YWHAB: variants seen among roughly 807,000 people sequenced by gnomAD.
YWHAB encodes tyrosine 3-monooxygenase/tryptophan 5-monooxygenase activation protein beta.
In YWHAB, 2 loss-of-function variants were observed where a neutral mutation model predicts 28.5. The ratio of observed to expected loss-of-function variants is 0.07; its 90% CI spans 0.03 to 0.22. The LOEUF (loss-of-function observed/expected upper bound fraction) is 0.22, where lower values mean the gene tolerates loss of function less well. Ranked by LOEUF, YWHAB falls within the 10% of genes least tolerant of loss-of-function variation. The pLI is 1.00. For missense variants in YWHAB, 148 were observed against 297.1 expected (o/e 0.50, Z 3.69); for synonymous variants, 103 against 104.7 (o/e 0.98, Z 0.10).
chr20:44,896,378 T>C (rs2066596159), intron 1 of YWHAB, among the ~76,000 whole-genome samples: 1 of 152,228 alleles, frequency 6.6e-6, no homozygotes, highest in Non-Finnish European at 1.5e-5. Flanking sequence ...GTGAAGAATC[T>C]TGTATGCAGA....
chr20:44,902,962 G>A (rs1260500160), intron 2 of YWHAB: 9 of 783,150 alleles, frequency 1.1e-5, no homozygotes, highest in Non-Finnish European at 1.4e-5. Context: ...CATAATTCAT[G>A]AAATGTAGAC....
At chr20:44,894,636 A>G (rs979475862) in intron 1 of YWHAB, among the ~76,000 whole-genome samples, 1 of 152,256 alleles carries the variant, frequency 6.6e-6, no homozygotes, top group Non-Finnish European at 1.5e-5. Flanking sequence ...GCTACAGTGT[A>G]ATAGTCGTGG....
At chr20:44,893,658 G>A (rs1034539828) in intron 1 of YWHAB, among the ~76,000 whole-genome samples, 4 of 145,806 alleles carry the variant, frequency 2.7e-5, no homozygotes, top group South Asian at 2.1e-4. Flanking sequence ...TGATGGCCAC[G>A]TAATCTTGTA....
At chr20:44,901,413 T>A in intron 1 of YWHAB, 118 bp from the exon 2 acceptor site, 1 of 1,027,372 alleles carries the variant, frequency 9.7e-7, no homozygotes, top group South Asian at 1.6e-5. Context: ...GCATTTGGAA[T>A]GAGATGTTTC....
chr20:44,895,789 A>G (rs2066592485), intron 1 of YWHAB, among the ~76,000 whole-genome samples: 1 of 152,362 alleles, frequency 6.6e-6, no homozygotes, highest in African/African-American at 2.4e-5. Context: ...TACTCTTTGA[A>G]TTTCAGAGGG....
At position 44,901,558 on chromosome 20, in the gene YWHAB, G is replaced by A; in HGVS notation, c.25G>A (p.Val9Ile). Residue 9 changes from valine to isoleucine, a missense_variant, in exon 2 of 6, where the codon GTA becomes ATA. This residue lies in a region of YWHAB where 110 missense variants were observed against 177.9 expected (regional missense o/e 0.62). Coordinates refer to ENST00000353703, the MANE Select transcript of YWHAB (RefSeq NM_139323.4). ...AATGACAATGGATAAAAGTGAGCTGGTACAGAAAGCCAAACTCGCTGAGCA... is the reference window on the plus strand; with the variant it reads ...AATGACAATGGATAAAAGTGAGCTGATACAGAAAGCCAAACTCGCTGAGCA... Reference protein sequence around the residue: MTMDKSELVQKAKLAEQAE... With the variant: MTMDKSELIQKAKLAEQAE... The A allele has an allele frequency of 1.9e-6, 3 of 1,605,668 alleles. No homozygotes were observed. The highest frequency in any genetic ancestry group is 1.3e-5 in the African/African-American group (1 of 74,894).
chr20:44,904,908 T>C (rs2066647676), intron 3 of YWHAB, 60 bp from the exon 4 acceptor site: 1 of 1,487,078 alleles, frequency 6.7e-7, no homozygotes, highest in Non-Finnish European at 9.0e-7. Context: ...TGATAGTTGG[T>C]CCAATGTGTG....
intron 1 of YWHAB, among the ~76,000 whole-genome samples, chr20:44,899,527 T>C (rs1444779263): frequency 6.6e-6 from 1 of 152,206 alleles, no homozygotes; most frequent in Non-Finnish European, 1.5e-5. Flanking sequence ...ACTACTACTG[T>C]TTAAAGTAGC....
intron 1 of YWHAB, among the ~76,000 whole-genome samples, chr20:44,894,590 TTAA>T (rs1210126863): frequency 6.6e-6 from 1 of 152,246 alleles, no homozygotes; most frequent in African/African-American, 2.4e-5. Flanking sequence ...AATTGTATAT[TTAA>T]AAAGAAAATT....
chr20:44,906,364 A>G lies in YWHAB; in HGVS notation c.685-18A>G. ...CTTTTAGTAGCCCTGCTTTGATTAT[A>G]CTTCCTTTCTCTTGCAGCTGTGGAC... On this transcript the variant is annotated intron_variant, in intron 5 of 5. Coordinates refer to ENST00000353703, the MANE Select transcript of YWHAB (RefSeq NM_139323.4). The G allele has an allele frequency of 6.2e-7, 1 of 1,612,894 alleles. No homozygotes were observed. The highest frequency in any genetic ancestry group is 1.7e-5 in the Admixed American group (1 of 60,008).
At chr20:44,903,951 C>T (rs372764337) in intron 2 of YWHAB, 42 bp from the exon 3 acceptor site, 4 of 1,578,330 alleles carry the variant, frequency 2.5e-6, no homozygotes, top group Middle Eastern at 3.4e-4. Context: ...GTTTTAACAT[C>T]TCGTGAATAA....
intron 2 of YWHAB, chr20:44,902,807 T>G (rs2066635297): frequency 6.6e-6 from 1 of 152,504 alleles, no homozygotes; most frequent in East Asian, 1.9e-4. Context: ...CTCTTTTTAT[T>G]AGACTCATGG....
At chr20:44,887,295 A>C (rs780507290) in intron 1 of YWHAB, 3 of 152,228 alleles carry the variant, frequency 2.0e-5, no homozygotes, top group Non-Finnish European at 4.4e-5. Context: ...GGCTTTCAAA[A>C]TGGAAGGCTA....
chr20:44,886,892 C>G (rs1484619876), intron 1 of YWHAB: 1 of 152,182 alleles, frequency 6.6e-6, no homozygotes, highest in African/African-American at 2.4e-5. Flanking sequence ...GCATCAGGTC[C>G]TGATTTTGCT....
In YWHAB at chr20:44,908,289, T is replaced by C. The variant is rs1214131950; in HGVS notation, c.*1851T>C. The C allele has an allele frequency of 6.6e-6, 1 of 152,634 alleles. No homozygotes were observed. Among genetic ancestry groups the C allele is most frequent in the Admixed American group, 6.5e-5 (1 of 15,282 alleles). 9.5% of individuals were successfully genotyped at this position (152,634 alleles called of 1,614,324 possible). A position where few individuals can be genotyped will look rare whatever the true frequency, so the allele number is the denominator to read the frequency against. On this transcript the variant is annotated 3_prime_UTR_variant, in exon 6 of 6. Transcript: ENST00000353703. ...CTGTCTGTATATCTGGTAGCTCTTT[T>C]CTTGCTTTGTTTTTTCTTACCAGTA...
Position 44,907,506 on chromosome 20 carries a change from C to G in YWHAB, c.*1068C>G, listed in dbSNP as rs750619457. 6.6e-6 allele frequency: 1 copy of G among 152,210 alleles called. No individual in the cohort carries two copies. Among genetic ancestry groups the G allele is most frequent in the Admixed American group, 6.5e-5 (1 of 15,280 alleles). 9.4% of individuals were successfully genotyped at this position (152,210 alleles called of 1,614,324 possible). A position where few individuals can be genotyped will look rare whatever the true frequency, so the allele number is the denominator to read the frequency against. ...ATGATGTTCTGTAGAGATGGCCTTTCACTTGAGGAGTACTCAGTTTTCAGG... is the reference window on the plus strand; with the variant it reads ...ATGATGTTCTGTAGAGATGGCCTTTGACTTGAGGAGTACTCAGTTTTCAGG... On this transcript the variant is annotated 3_prime_UTR_variant, in exon 6 of 6. Transcript: ENST00000353703.
chr20:44,895,551 C>T (rs2066590925), intron 1 of YWHAB, among the ~76,000 whole-genome samples: 1 of 152,116 alleles, frequency 6.6e-6, no homozygotes, highest in Non-Finnish European at 1.5e-5. Context: ...TCAGTGCATC[C>T]CTGGCCTCCT....
chr20:44,894,983 T>G (rs920136365), intron 1 of YWHAB, among the ~76,000 whole-genome samples: 1 of 152,242 alleles, frequency 6.6e-6, no homozygotes, highest in East Asian at 1.9e-4. Flanking sequence ...GCATTAAATG[T>G]GAAACAAACA....
intron 2 of YWHAB, 66 bp downstream of exon 2, chr20:44,901,899 C>G: frequency 1.3e-6 from 2 of 1,488,354 alleles, no homozygotes; most frequent in Non-Finnish European, 1.8e-6. Context: ...TGTATAAATG[C>G]AGACTCTCAA....
Sources: allele counts gnomAD v4.1 joint callset (sites outside exome capture counted in the v4.1 genomes callset), GRCh38; gene constraint gnomAD v4.1.1; regional missense constraint gnomAD v4.1.1; transcripts MANE v1.5; gene names NCBI Gene and HGNC (gene_info 2026-07-23, HGNC 2026-07-21).